The following NAALADL2 variants were observed in gnomAD, a reference collection of about 807,000 sequenced individuals.
NAALADL2 encodes inactive N-acetylated-alpha-linked acidic dipeptidase-like protein 2.
In NAALADL2, 76 loss-of-function variants were observed where a neutral mutation model predicts 87.2. The ratio of observed to expected loss-of-function variants is 0.87; its 90% CI spans 0.72 to 1.05. NAALADL2 has a LOEUF of 1.05. Ranked by LOEUF, NAALADL2 falls within the 50% of genes least tolerant of loss-of-function variation. NAALADL2 has a pLI of 0.00. For missense variants in NAALADL2, 1,089 were observed against 945.8 expected (o/e 1.15, Z -1.99); for synonymous variants, 354 against 331.0 (o/e 1.07, Z -0.75).
intron 2 of NAALADL2, chr3:174,737,634 T>C (rs1326129039): frequency 6.6e-6 from 1 of 152,180 alleles, no homozygotes; most frequent in Non-Finnish European, 1.5e-5. Context: ...TTTTGATTTA[T>C]GAACAGGAAA....
At chr3:175,382,713 G>C (rs1020628972) in intron 5 of NAALADL2, among the ~76,000 whole-genome samples, 4 of 135,082 alleles carry the variant, frequency 3.0e-5, no homozygotes, top group African/African-American at 1.1e-4. Flanking sequence ...TTCTCCACTT[G>C]CTTGACATTT....
intron 1 of NAALADL2, among the ~76,000 whole-genome samples, chr3:174,964,705 T>C (rs1204215565): frequency 3.3e-5 from 5 of 152,204 alleles, no homozygotes; most frequent in East Asian, 3.9e-4. Flanking sequence ...TTTTACAAGA[T>C]GGCAGTCCTC....
At chr3:174,969,214 C>T (rs1160502905) in intron 1 of NAALADL2, among the ~76,000 whole-genome samples, 1 of 152,110 alleles carries the variant, frequency 6.6e-6, no homozygotes, top group Non-Finnish European at 1.5e-5. Context: ...CCAGGAGAAA[C>T]TGCTAGCAGG....
At chr3:175,618,526 A>G (rs1482868445) in intron 10 of NAALADL2, among the ~76,000 whole-genome samples, 2 of 151,990 alleles carry the variant, frequency 1.3e-5, no homozygotes, top group East Asian at 1.9e-4. Flanking sequence ...TTTTTCCTCT[A>G]GGGTCTGAGA....
At chr3:175,519,829 A>G (rs16825888) in intron 9 of NAALADL2, among the ~76,000 whole-genome samples, 12,875 of 152,254 alleles carry the variant, frequency 0.085, 720 homozygotes, top group South Asian at 0.14. Flanking sequence ...AGTTATCCAC[A>G]TTACATTCAT....
At chr3:175,620,722 TACATGTTGCCGCTCTCTTCGTGCCTGC>T (rs1271981329) in intron 10 of NAALADL2, among the ~76,000 whole-genome samples, 2 of 152,160 alleles carry the variant, frequency 1.3e-5, no homozygotes, top group African/African-American at 4.8e-5. Flanking sequence ...CTGGAACGGG[TACATGTTGCCGCTCTCTTCGTGCCTGC>T]ACATGTTGCC....
intron 5 of NAALADL2, among the ~76,000 whole-genome samples, chr3:175,436,008 A>G (rs1392005585): frequency 2.8e-5 from 2 of 71,774 alleles, no homozygotes; most frequent in Non-Finnish European, 5.1e-5. Flanking sequence ...CCCTCCCCCC[A>G]CCCCACCACA....
At chr3:174,973,528 C>A (rs1743975780) in intron 1 of NAALADL2, among the ~76,000 whole-genome samples, 1 of 152,040 alleles carries the variant, frequency 6.6e-6, no homozygotes, top group Non-Finnish European at 1.5e-5. Flanking sequence ...AAGTTTATTT[C>A]ATTGTATTTA....
intron 6 of NAALADL2, among the ~76,000 whole-genome samples, chr3:175,461,243 A>G (rs1723087303): frequency 6.6e-6 from 1 of 152,036 alleles, no homozygotes; most frequent in Non-Finnish European, 1.5e-5. Flanking sequence ...AGCTAGACAC[A>G]GAGTGCTGAT....
chr3:175,418,223 G>A (rs944645434), intron 5 of NAALADL2, among the ~76,000 whole-genome samples: 11 of 152,174 alleles, frequency 7.2e-5, no homozygotes, highest in African/African-American at 2.2e-4. Flanking sequence ...ATTTGTTTCT[G>A]TCTGCTAAAT....
chr3:174,981,993 T>G (rs950610436), intron 1 of NAALADL2, among the ~76,000 whole-genome samples: 5 of 152,160 alleles, frequency 3.3e-5, no homozygotes, highest in Non-Finnish European at 7.4e-5. Flanking sequence ...TTGCTGAAAC[T>G]TAAGAATACG....
chr3:175,105,427 C>A (rs1039525913), intron 2 of NAALADL2, among the ~76,000 whole-genome samples: 1 of 151,246 alleles, frequency 6.6e-6, no homozygotes, highest in Non-Finnish European at 1.5e-5. Flanking sequence ...GTTATTTATA[C>A]CTCTTATTGA....
intron 13 of NAALADL2, among the ~76,000 whole-genome samples, chr3:175,763,214 T>G (rs1424240419): frequency 6.6e-6 from 1 of 152,114 alleles, no homozygotes; most frequent in Non-Finnish European, 1.5e-5. Flanking sequence ...ATCACTTTCT[T>G]TAGGTGTTTG....
chr3:175,362,563 A>G (rs1462038222), intron 5 of NAALADL2, among the ~76,000 whole-genome samples: 1 of 147,616 alleles, frequency 6.8e-6, no homozygotes, highest in Non-Finnish European at 1.5e-5. Flanking sequence ...ATATCACAAT[A>G]TCTTTATCCA....
intron 1 of NAALADL2, among the ~76,000 whole-genome samples, chr3:174,900,609 CA>C (rs1412065127): frequency 4.0e-5 from 6 of 151,870 alleles, no homozygotes; most frequent in Admixed American, 2.6e-4. Flanking sequence ...ATATGAAAGA[CA>C]GCATTATTTA....
chr3:175,002,415 G>T (rs1302150472), intron 1 of NAALADL2, among the ~76,000 whole-genome samples: 1 of 152,114 alleles, frequency 6.6e-6, no homozygotes, highest in Non-Finnish European at 1.5e-5. Context: ...GTGATGAAGA[G>T]AAGTTAATGA....
intron 1 of NAALADL2, among the ~76,000 whole-genome samples, chr3:175,047,989 G>C (rs1754890889): frequency 6.6e-6 from 1 of 152,184 alleles, no homozygotes; most frequent in Non-Finnish European, 1.5e-5. Flanking sequence ...TCATAGCCAT[G>C]TTGTCAGGAA....
intron 3 of NAALADL2, among the ~76,000 whole-genome samples, chr3:175,236,383 T>TA (rs538580099): frequency 1.2e-4 from 18 of 151,414 alleles, no homozygotes; most frequent in African/African-American, 4.1e-4. Context: ...CTGTCTCTAC[T>TA]AAAAAAATAC....
intron 1 of NAALADL2, among the ~76,000 whole-genome samples, chr3:175,025,737 A>T (rs1267969050): frequency 1.3e-5 from 2 of 152,142 alleles, no homozygotes; most frequent in African/African-American, 2.4e-5. Context: ...CTGGATAAAA[A>T]TACAAATATG....
Sources: gnomAD v4.1 joint callset for allele counts (sites outside exome capture counted in the v4.1 genomes callset) on GRCh38, gnomAD v4.1.1 for gene constraint, MANE v1.5 for transcripts, NCBI Gene and HGNC (gene_info 2026-07-23, HGNC 2026-07-21) for gene names.